LRP1B: variants seen among roughly 807,000 people sequenced by gnomAD.
LRP1B encodes LDL receptor related protein 1B.
A neutral mutation model predicts 556.6 loss-of-function variants in LRP1B; 217 were observed. The ratio of observed to expected loss-of-function variants is 0.39; its 90% CI spans 0.35 to 0.44. The LOEUF (loss-of-function observed/expected upper bound fraction) is 0.44. Ranked by LOEUF, LRP1B falls within the 20% of genes least tolerant of loss-of-function variation. The probability of loss-of-function intolerance (pLI) is 1.00; values close to 1 mark genes in which losing one functional copy is unlikely to be tolerated. For synonymous variants in LRP1B, 2,047 were observed against 1,865.8 expected (o/e 1.10, Z -2.50); for missense variants, 5,053 against 5,620.8 (o/e 0.90, Z 3.23).
intron 31 of LRP1B, among the ~76,000 whole-genome samples, chr2:140,814,780 A>G (rs2105039605): frequency 6.6e-6 from 1 of 152,260 alleles, no homozygotes; most frequent in East Asian, 1.9e-4. Context: ...GAATCAAGCC[A>G]ATGACTTAAG....
chr2:141,187,330 AC>A (rs1445455188), intron 7 of LRP1B, among the ~76,000 whole-genome samples: 1 of 152,030 alleles, frequency 6.6e-6, no homozygotes, highest in East Asian at 1.9e-4. Flanking sequence ...ATTCAATCAG[AC>A]TTTAAGTAAA....
intron 2 of LRP1B, among the ~76,000 whole-genome samples, chr2:141,669,538 C>T (rs143770453): frequency 8.5e-5 from 13 of 152,192 alleles, no homozygotes; most frequent in East Asian, 1.9e-4. Context: ...TTTTGGTCTT[C>T]GGTGCACTCT....
In LRP1B at chr2:141,854,607, G is replaced by GA. The variant is rs139571832; in HGVS notation, c.83-44207dup. On this transcript the variant is annotated intron_variant, in intron 1 of 90. Transcript: ENST00000389484. ...AACTAGTCCATTGTCCATCATTTTGGAAAAAATAAAATATTCCCTTAATCC... is the reference window on the plus strand; with the variant it reads ...AACTAGTCCATTGTCCATCATTTTGGAAAAAAATAAAATATTCCCTTAATCC... 8.0e-3 allele frequency among the ~76,000 whole-genome samples: 1,211 copies of GA among 151,986 alleles called. 18 individuals are homozygous for GA. The highest frequency in any genetic ancestry group is 0.028 in the African/African-American group (1,163 of 41,490).
At chr2:141,509,274 A>G (rs1357849761) in intron 2 of LRP1B, among the ~76,000 whole-genome samples, 1 of 152,200 alleles carries the variant, frequency 6.6e-6, no homozygotes, top group Non-Finnish European at 1.5e-5. Flanking sequence ...ACAGATATTC[A>G]TCAAAACTGA....
At position 140,246,515 on chromosome 2, in the gene LRP1B, CTA is replaced by C. The variant is rs555792662; in HGVS notation, c.13324+569_13324+570del. Among the ~76,000 whole-genome samples the C allele has an allele frequency of 9.9e-5, 10 of 101,478 alleles. No homozygotes were observed. The East Asian group carries it at 3.1e-3, about 32-fold the overall frequency. The allele number at this position is 101,478 out of a possible 152,430, so 66.6% of individuals were successfully genotyped here. A position where few individuals can be genotyped will look rare whatever the true frequency, so the allele number is the denominator to read the frequency against. On this transcript the variant is annotated intron_variant, in intron 87 of 90. Coordinates refer to ENST00000389484, the MANE Select transcript of LRP1B (RefSeq NM_018557.3). ...GATATAGACACAAGTGACCCTAAGA[CTA>C]TGGCTGCACAAAAAAAAATTTGCAA...
chr2:141,086,963 G>T (rs1700062253), intron 7 of LRP1B, among the ~76,000 whole-genome samples: 4 of 152,144 alleles, frequency 2.6e-5, no homozygotes, highest in Admixed American at 2.0e-4. Flanking sequence ...CATATTGGTG[G>T]TTGTTGAAAT....
intron 2 of LRP1B, among the ~76,000 whole-genome samples, chr2:141,535,230 G>A (rs1685033619): frequency 6.6e-6 from 1 of 152,000 alleles, no homozygotes; most frequent in Non-Finnish European, 1.5e-5. Context: ...TCCTCAAATG[G>A]GTTCATGTTT....
intron 35 of LRP1B, among the ~76,000 whole-genome samples, chr2:140,725,707 AT>A (rs1687571599): frequency 6.6e-6 from 1 of 151,934 alleles, no homozygotes; most frequent in South Asian, 2.1e-4. Flanking sequence ...AAATAAAAAA[AT>A]AAATAAAGTA....
intron 3 of LRP1B, among the ~76,000 whole-genome samples, chr2:141,379,750 G>A (rs112746140): frequency 0.01 from 1,539 of 152,144 alleles, 14 homozygotes; most frequent in South Asian, 0.02. Flanking sequence ...TAGTTCCCTG[G>A]AACCATAGAG....
intron 2 of LRP1B, among the ~76,000 whole-genome samples, chr2:141,519,388 T>TATATATATAC (rs1450675838): frequency 3.4e-5 from 1 of 29,780 alleles, no homozygotes; most frequent in Non-Finnish European, 7.1e-5. Flanking sequence ...TATATATATA[T>TATATATATAC]ATATATATAT....
At position 141,013,655 on chromosome 2, in the gene LRP1B, T is replaced by C. The variant is rs199752013; in HGVS notation, c.2281A>G (p.Ile761Val). The C allele has an allele frequency of 1.2e-4, 199 of 1,612,408 alleles. 1 individual carries two copies. The East Asian group carries it at 4.1e-3, about 33-fold the overall frequency. The change falls in exon 14 of 91, where the codon ATT (isoleucine) becomes GTT (valine). Residue 761 changes from isoleucine to valine, a missense_variant. This residue lies in a region of LRP1B where 3,619 missense variants were observed against 3,931.9 expected (regional missense o/e 0.92). Transcript: ENST00000389484. ...VFWTDYMNGS[I>V]FQLDLITSEV... ...CTTGTTATCAAATCTAGTTGAAAAA[T>C]GGAACCATTCATATAATCAGTCCAG...
At chr2:141,327,383 A>T (rs572030982) in intron 3 of LRP1B, among the ~76,000 whole-genome samples, 8 of 152,258 alleles carry the variant, frequency 5.3e-5, no homozygotes, top group Non-Finnish European at 1.0e-4. Context: ...GATGGGTGAA[A>T]TCTGGGGGCA....
chr2:141,177,105 AATT>A (rs1350846232), intron 7 of LRP1B, among the ~76,000 whole-genome samples: 1 of 152,038 alleles, frequency 6.6e-6, no homozygotes, highest in African/African-American at 2.4e-5. Flanking sequence ...CACTGAGCTG[AATT>A]ATTATTATTT....
chr2:140,942,355 G>T (rs903353254), intron 20 of LRP1B, among the ~76,000 whole-genome samples: 1 of 152,090 alleles, frequency 6.6e-6, no homozygotes, highest in South Asian at 2.1e-4. Context: ...TAAGCAACTT[G>T]GAAAACATAT....
At chr2:140,611,710 AT>A (rs1683079210) in intron 41 of LRP1B, among the ~76,000 whole-genome samples, 2 of 152,130 alleles carry the variant, frequency 1.3e-5, no homozygotes, top group African/African-American at 4.8e-5. Flanking sequence ...TTTTATGTAA[AT>A]AAAGCTTATT....
chr2:140,804,648 AAT>A (rs775988063), intron 32 of LRP1B, among the ~76,000 whole-genome samples: 38,219 of 102,770 alleles, frequency 0.37, 8,523 homozygotes, highest in East Asian at 0.53. Context: ...GGTAAAAACT[AAT>A]TTTTTTTTTT....
intron 2 of LRP1B, among the ~76,000 whole-genome samples, chr2:141,744,941 G>A (rs910427942): frequency 1.8e-4 from 28 of 152,154 alleles, no homozygotes; most frequent in Admixed American, 1.7e-3. Flanking sequence ...TTGTTGACTC[G>A]TAGAGGTACT....
intron 67 of LRP1B, among the ~76,000 whole-genome samples, chr2:140,383,556 T>G (rs1028492481): frequency 7.2e-5 from 11 of 152,174 alleles, no homozygotes; most frequent in Non-Finnish European, 5.9e-5. Flanking sequence ...AATAGTATCT[T>G]CAAGCCCTAT....
At chr2:140,672,670 A>G in intron 41 of LRP1B, among the ~76,000 whole-genome samples, 1 of 152,152 alleles carries the variant, frequency 6.6e-6, no homozygotes, top group Middle Eastern at 3.4e-3. Flanking sequence ...AATAGTATTA[A>G]CAACCCATTT....
Sources: gnomAD v4.1 joint callset for allele counts (sites outside exome capture counted in the v4.1 genomes callset) on GRCh38, gnomAD v4.1.1 for gene constraint, gnomAD v4.1.1 regional missense constraint, MANE v1.5 for transcripts, NCBI Gene and HGNC (gene_info 2026-07-23, HGNC 2026-07-21) for gene names.